The following B4GALT4 variants were observed in gnomAD, a reference collection of about 807,000 sequenced individuals.
B4GALT4 encodes N-acetyllactosamine synthase.
A neutral mutation model predicts 37.3 loss-of-function variants in B4GALT4; 27 were observed. That is an observed-to-expected ratio of 0.72 (90% CI 0.53 to 1.00). The LOEUF (loss-of-function observed/expected upper bound fraction) is 1.00. B4GALT4 is among the 50% of genes least tolerant of loss of function. The probability of loss-of-function intolerance (pLI) is 0.00; values close to 1 mark genes in which losing one functional copy is unlikely to be tolerated. For missense variants in B4GALT4, 372 were observed against 413.1 expected (o/e 0.90, Z 0.86); for synonymous variants, 148 against 154.1 (o/e 0.96, Z 0.29).
At chr3:119,229,227 T>C (rs1189472754) in intron 3 of B4GALT4, among the ~76,000 whole-genome samples, 2 of 152,158 alleles carry the variant, frequency 1.3e-5, no homozygotes, top group East Asian at 1.9e-4. Flanking sequence ...GAGGAGAACA[T>C]ACCCAGGCTA....
At chr3:119,223,540 T>C (rs1367280280) in intron 5 of B4GALT4, among the ~76,000 whole-genome samples, 4 of 152,052 alleles carry the variant, frequency 2.6e-5, no homozygotes, top group Admixed American at 2.0e-4. Flanking sequence ...CTTCTCACAG[T>C]GGCTTTGAGA....
At chr3:119,237,516 A>AGCCTCT (rs2079020106) in intron 1 of B4GALT4, among the ~76,000 whole-genome samples, 1 of 152,252 alleles carries the variant, frequency 6.6e-6, no homozygotes, top group Non-Finnish European at 1.5e-5. Context: ...CTCCAAAGCC[A>AGCCTCT]ATGGGTCAGA....
In B4GALT4 at chr3:119,218,661, G is replaced by A; in HGVS notation, c.786C>T (p.Asp262=). 1 of 1,614,168 alleles carries A rather than the reference G, an allele frequency of 6.2e-7. No homozygotes were observed. Among genetic ancestry groups the A allele is most frequent in the Non-Finnish European group, 8.5e-7 (1 of 1,180,042 alleles). ...TCTCTGTTGTTCACCTGAGTCTGAG[G>A]TCATCGTCTTCGCCTCCCCATCCCC... The part of the protein sequence containing the change: ...NYWGWGGEDD[D]LRLRVELQRM... Residue 262 remains aspartate (D), a synonymous_variant, in exon 6 of 8, where the codon GAC becomes GAT. Coordinates refer to ENST00000393765, the MANE Select transcript of B4GALT4 (RefSeq NM_003778.4).
At chr3:119,227,183 A>C in intron 3 of B4GALT4, 142 bp from the exon 4 acceptor site, 1 of 735,542 alleles carries the variant, frequency 1.4e-6, no homozygotes, top group Non-Finnish European at 2.2e-6. Flanking sequence ...GATTACTTTA[A>C]AGGCTCATTT....
intron 3 of B4GALT4, among the ~76,000 whole-genome samples, chr3:119,227,854 C>G (rs1049257659): frequency 1.3e-5 from 2 of 152,180 alleles, no homozygotes; most frequent in Admixed American, 6.5e-5. Flanking sequence ...GTCGCCATGA[C>G]TTGTTCCATG....
At chr3:119,218,521 C>T (rs2078355838) in intron 6 of B4GALT4, 129 bp downstream of exon 6, 5 of 1,335,366 alleles carry the variant, frequency 3.7e-6, no homozygotes, top group Admixed American at 2.1e-5. Flanking sequence ...ACCCCCTGCA[C>T]CCTTCAAGCC....
At chr3:119,226,160 CTT>C (rs2107505191) in intron 4 of B4GALT4, among the ~76,000 whole-genome samples, 1 of 152,300 alleles carries the variant, frequency 6.6e-6, no homozygotes, top group East Asian at 1.9e-4. Flanking sequence ...TTTCAATAAA[CTT>C]TAATGCCAAA....
intron 6 of B4GALT4, among the ~76,000 whole-genome samples, chr3:119,218,301 A>G (rs2078350862): frequency 1.3e-5 from 2 of 152,234 alleles, no homozygotes; most frequent in East Asian, 1.9e-4. Flanking sequence ...GGGGTCTGAC[A>G]GAAAGCATGA....
rs573399319 is a variant in B4GALT4, at chr3:119,227,577, G to A, written c.254-536C>T. Among the ~76,000 whole-genome samples, 146 of 152,264 alleles carry A rather than the reference G, an allele frequency of 9.6e-4. 1 individual carries two copies. The highest frequency in any genetic ancestry group is 2.1e-3 in the South Asian group (10 of 4,818). On this transcript the variant is annotated intron_variant, in intron 3 of 7. Transcript: ENST00000393765. ...ACCAGTCTCCCTCCCTAACCCAGCT[G>A]TAACAGGTATGTGTGGCACTGCAAC...
At chr3:119,236,006 T>C (rs889262561) in intron 2 of B4GALT4, 5 of 152,204 alleles carry the variant, frequency 3.3e-5, no homozygotes, top group African/African-American at 9.7e-5. Context: ...TTAATAACTG[T>C]TGCAGACAAG....
rs758432928 is a variant in B4GALT4 at position 119,216,316 on chromosome 3, G to A, written c.826C>T (p.Arg276Trp). The change falls in exon 7 of 8, where the codon CGG becomes TGG. Residue 276 changes from arginine to tryptophan, a missense_variant. Coordinates refer to ENST00000393765, the MANE Select transcript of B4GALT4 (RefSeq NM_003778.4). ...TATTTACCCACTTCAGGCAGGGGCC[G>A]GGAAATTTTCATTCTTTGGAGCTCA... Reference protein sequence around the residue: ...RVELQRMKISRPLPEVGKYTM... With the variant: ...RVELQRMKISWPLPEVGKYTM... The A allele has an allele frequency of 9.9e-6, 16 of 1,613,272 alleles. No homozygotes were observed. Among genetic ancestry groups the A allele is most frequent in the East Asian group, 2.2e-5 (1 of 44,858 alleles).
chr3:119,238,307 A>G (rs2079045261), intron 1 of B4GALT4, among the ~76,000 whole-genome samples: 1 of 151,214 alleles, frequency 6.6e-6, no homozygotes, highest in Admixed American at 6.6e-5. Context: ...AATACCAATT[A>G]TGCAATACAT....
At chr3:119,229,409 C>G (rs4568126) in intron 3 of B4GALT4, among the ~76,000 whole-genome samples, 20 of 152,102 alleles carry the variant, frequency 1.3e-4, no homozygotes, top group African/African-American at 4.6e-4. Flanking sequence ...CATAGCTGCA[C>G]GCAACCATAA....
Position 119,230,060 on chromosome 3 carries a change from G to A in B4GALT4, c.40C>T (p.Arg14Ter), listed in dbSNP as rs1184427718. ...NLTFHLSYKF[R>*]LLLLLTLCLT... ...CACAAAGTCAACAGCAACAGTAATC[G>A]GAATTTGTAGGAAAGGTGGAAAGTC... Residue 14 changes from arginine to a stop codon, truncating the protein, a stop_gained, in exon 3 of 8, where the codon CGA becomes TGA. Transcript: ENST00000393765. LOFTEE classifies it high-confidence loss of function. 14 of 1,614,034 alleles carry A rather than the reference G, an allele frequency of 8.7e-6. No individual in the cohort carries two copies. The highest frequency in any genetic ancestry group is 6.7e-5 in the African/African-American group (5 of 74,916).
intron 3 of B4GALT4, among the ~76,000 whole-genome samples, chr3:119,228,885 T>C (rs1314265137): frequency 2.0e-5 from 3 of 151,328 alleles, no homozygotes; most frequent in Admixed American, 2.0e-4. Context: ...CCTCTCTCTT[T>C]CCCTTTCCCC....
chr3:119,217,842 CAAAAAAAA>C (rs57522373), intron 6 of B4GALT4, among the ~76,000 whole-genome samples: 1 of 87,800 alleles, frequency 1.1e-5, no homozygotes, highest in Non-Finnish European at 2.2e-5. Context: ...GACTTTGTCT[CAAAAAAAA>C]AAAAAAAAAA....
intron 5 of B4GALT4, among the ~76,000 whole-genome samples, chr3:119,223,752 T>G (rs959675223): frequency 2.0e-5 from 3 of 152,202 alleles, no homozygotes; most frequent in Non-Finnish European, 1.5e-5. Flanking sequence ...TTCTAGTCAG[T>G]GTGGGAAAGC....
chr3:119,216,466 ACACACAGTGT>A, intron 6 of B4GALT4, 122 bp from the exon 7 acceptor site: 5 of 326,888 alleles, frequency 1.5e-5, no homozygotes, highest in South Asian at 1.6e-4. Context: ...ACACACACAC[ACACACAGTGT>A]CACAAACAGC....
chr3:119,223,440 C>A (rs1259791801), intron 5 of B4GALT4, among the ~76,000 whole-genome samples: 1 of 152,198 alleles, frequency 6.6e-6, no homozygotes, highest in Non-Finnish European at 1.5e-5. Context: ...TGAATAGGAG[C>A]TGGTGAATCA....
Sources: gnomAD v4.1 joint callset for allele counts (sites outside exome capture counted in the v4.1 genomes callset) on GRCh38, gnomAD v4.1.1 for gene constraint, MANE v1.5 for transcripts, NCBI Gene and HGNC (gene_info 2026-07-23, HGNC 2026-07-21) for gene names.